The following KAZN variants were observed in gnomAD, a reference collection of about 807,000 sequenced individuals.
KAZN encodes the protein kazrin, periplakin interacting protein.
In KAZN, 40 loss-of-function variants were observed where a neutral mutation model predicts 87.4. That is an observed-to-expected ratio of 0.46 (90% CI 0.36 to 0.60). KAZN has a LOEUF of 0.60. Among genes scored for constraint, KAZN ranks in the 20% least tolerant of loss-of-function variants. The pLI, the probability that KAZN is intolerant of heterozygous loss-of-function variation, is 0.00. For synonymous variants in KAZN, 466 were observed against 458.3 expected (o/e 1.02, Z -0.22); for missense variants, 898 against 1,073.9 (o/e 0.84, Z 2.29).
At chr1:14,298,684 G>A (rs1218189474) in intron 2 of KAZN, among the ~76,000 whole-genome samples, 1 of 152,224 alleles carries the variant, frequency 6.6e-6, no homozygotes, top group Middle Eastern at 3.2e-3. Context: ...TTAGCTTGCT[G>A]TTATTTCTCT....
chr1:14,639,334 G>A (rs1310704965), intron 1 of KAZN, among the ~76,000 whole-genome samples: 2 of 152,140 alleles, frequency 1.3e-5, no homozygotes, highest in Non-Finnish European at 2.9e-5. Context: ...AGCGGGAAAC[G>A]AATTGACCAG....
chr1:14,976,660 C>T (rs868517919), intron 2 of KAZN, among the ~76,000 whole-genome samples: 2 of 152,222 alleles, frequency 1.3e-5, no homozygotes, highest in Admixed American at 6.5e-5. Context: ...GGCTGACCTG[C>T]GACGAGGCCC....
At chr1:14,494,784 AC>A (rs1669854344) in intron 2 of KAZN, among the ~76,000 whole-genome samples, 2 of 152,108 alleles carry the variant, frequency 1.3e-5, no homozygotes, top group African/African-American at 4.8e-5. Context: ...CTAAAATGTG[AC>A]CCCTTTCAGT....
At chr1:14,439,859 T>C (rs549269369) in intron 2 of KAZN, among the ~76,000 whole-genome samples, 53 of 152,122 alleles carry the variant, frequency 3.5e-4, no homozygotes, top group Non-Finnish European at 6.6e-4. Context: ...AAGCACAGGC[T>C]CTACACTCTG....
chr1:13,936,096 G>GTTTTTTTTTTTTTTTTTTTTTTT lies in KAZN; in HGVS notation c.91+42355_91+42356insTTTTTTTTTTTTTTTTTTTTTTT, dbSNP rs70984301. On this transcript the variant is annotated intron_variant, in intron 1 of 16. Transcript: ENST00000636203. ...TATAGATTTAGGTGGTACAAGTGCA[G>GTTTTTTTTTTTTTTTTTTTTTTT]TTTTTTTTTTTTTTTGAGACAGAGT... Among the ~76,000 whole-genome samples, 15 of 84,840 alleles carry GTTTTTTTTTTTTTTTTTTTTTTT rather than the reference G, an allele frequency of 1.8e-4. 4 individuals carry two copies. The highest frequency in any genetic ancestry group is 2.6e-4 in the Non-Finnish European group (12 of 45,734). The allele number at this position is 84,840 out of a possible 152,430, so 55.7% of individuals were successfully genotyped here.
chr1:13,989,464 A>G (rs1461132820), intron 1 of KAZN, among the ~76,000 whole-genome samples: 3 of 152,186 alleles, frequency 2.0e-5, no homozygotes, highest in Admixed American at 6.5e-5. Context: ...TGTGCTACAG[A>G]TACAAAGTGG....
intron 2 of KAZN, among the ~76,000 whole-genome samples, chr1:14,314,484 T>A (rs1306429418): frequency 2.0e-5 from 3 of 152,106 alleles, no homozygotes; most frequent in Non-Finnish European, 4.4e-5. Flanking sequence ...CCTGTTGGCT[T>A]TTAAGTTTGG....
intron 1 of KAZN, among the ~76,000 whole-genome samples, chr1:14,755,905 A>T (rs1202366188): frequency 6.6e-6 from 1 of 152,204 alleles, no homozygotes; most frequent in African/African-American, 2.4e-5. Context: ...GATGCCTTGA[A>T]GTCTCCCAGA....
At chr1:14,429,129 T>G (rs1317829521) in intron 2 of KAZN, among the ~76,000 whole-genome samples, 1 of 152,152 alleles carries the variant, frequency 6.6e-6, no homozygotes, top group Non-Finnish European at 1.5e-5. Flanking sequence ...ATATAAGTTT[T>G]ATGATCTTTC....
intron 2 of KAZN, among the ~76,000 whole-genome samples, chr1:14,388,085 CGTCT>C (rs1376579761): frequency 9.2e-5 from 14 of 152,272 alleles, no homozygotes; most frequent in South Asian, 2.1e-4. Context: ...TTCCAGGTGC[CGTCT>C]GTCACCCCTT....
At chr1:14,503,206 G>A (rs75601006) in intron 2 of KAZN, among the ~76,000 whole-genome samples, 4,834 of 152,008 alleles carry the variant, frequency 0.032, 100 homozygotes, top group Admixed American at 0.055. Flanking sequence ...TGAACTGGCC[G>A]TGCGTGGTGG....
intron 2 of KAZN, among the ~76,000 whole-genome samples, chr1:14,435,798 C>A (rs113706270): frequency 1.3e-4 from 19 of 149,216 alleles, no homozygotes; most frequent in African/African-American, 4.7e-4. Context: ...ACGATATCTT[C>A]GAATGGGGAT....
chr1:13,975,128 A>G (rs969553960), intron 1 of KAZN, among the ~76,000 whole-genome samples: 2 of 152,132 alleles, frequency 1.3e-5, no homozygotes, highest in Non-Finnish European at 2.9e-5. Context: ...TTACGTTGAG[A>G]GCCTACAGTA....
At chr1:13,945,702 TGTGTGTGTGAGAGAGA>T in intron 1 of KAZN, among the ~76,000 whole-genome samples, 1 of 140,122 alleles carries the variant, frequency 7.1e-6, no homozygotes, top group African/African-American at 2.7e-5. Flanking sequence ...TGTGTGTGTG[TGTGTGTGTGAGAGAGA>T]GAGAGAGAGA....
At chr1:14,665,653 G>A (rs1572172828) in intron 1 of KAZN, among the ~76,000 whole-genome samples, 1 of 152,026 alleles carries the variant, frequency 6.6e-6, no homozygotes, top group Non-Finnish European at 1.5e-5. Context: ...CCGTTTCCCT[G>A]ATATGAAAAG....
At chr1:14,378,473 G>C (rs183441297) in intron 2 of KAZN, among the ~76,000 whole-genome samples, 2 of 152,328 alleles carry the variant, frequency 1.3e-5, no homozygotes, top group African/African-American at 4.8e-5. Flanking sequence ...ATAGCTGAAA[G>C]GAGCAGTGAA....
intron 1 of KAZN, among the ~76,000 whole-genome samples, chr1:13,935,826 C>T (rs1260346945): frequency 6.6e-6 from 1 of 150,868 alleles, no homozygotes; most frequent in African/African-American, 2.4e-5. Context: ...CCAGATTTCC[C>T]ATTTCTAGAA....
intron 1 of KAZN, among the ~76,000 whole-genome samples, chr1:14,104,186 A>G (rs1644320414): frequency 6.6e-6 from 1 of 152,156 alleles, no homozygotes; most frequent in Non-Finnish European, 1.5e-5. Flanking sequence ...TTGTGGCCTC[A>G]TTGCAGAGCT....
chr1:14,638,295 G>A (rs958649236), intron 1 of KAZN, among the ~76,000 whole-genome samples: 3 of 152,158 alleles, frequency 2.0e-5, no homozygotes, highest in Non-Finnish European at 4.4e-5. Flanking sequence ...GTGGTGGGGC[G>A]TGGTGACTCT....
Sources: gnomAD v4.1 joint callset for allele counts (sites outside exome capture counted in the v4.1 genomes callset) on GRCh38, gnomAD v4.1.1 for gene constraint, MANE v1.5 for transcripts, NCBI Gene and HGNC (gene_info 2026-07-23, HGNC 2026-07-21) for gene names.